Variants in DNPEP observed in about 807,000 individuals in gnomAD.
DNPEP encodes the protein aspartyl aminopeptidase.
Under a neutral mutation model 59.1 loss-of-function variants are expected in DNPEP, and 46 were observed. That is an observed-to-expected ratio of 0.78 (90% confidence interval 0.61 to 0.99). The LOEUF is 0.99. Ranked by LOEUF, DNPEP falls within the 50% of genes least tolerant of loss-of-function variation. The probability of loss-of-function intolerance (pLI) is 0.00; values close to 1 mark genes in which losing one functional copy is unlikely to be tolerated. For missense variants in DNPEP, 617 were observed against 649.9 expected (o/e 0.95, Z 0.55); for synonymous variants, 229 against 242.2 (o/e 0.95, Z 0.50).
intron 8 of DNPEP, 177 bp downstream of exon 8, chr2:219,385,247 A>C: frequency 1.7e-6 from 1 of 573,134 alleles, no homozygotes. Context: ...GGGGTAGGGA[A>C]CTTGTCTTTT....
At chr2:219,395,379 G>A (rs1241189935) in intron 1 of DNPEP, among the ~76,000 whole-genome samples, 3 of 152,130 alleles carry the variant, frequency 2.0e-5, no homozygotes, top group African/African-American at 7.2e-5. Context: ...CCTCTACCTG[G>A]CAACCTTCAT....
rs1469160488 is a variant in DNPEP at position 219,384,394 on chromosome 2, T to C, written c.824A>G (p.Asn275Ser). Reference sequence around the variant, plus strand: ...CAGGGCACAGAAGCAGCTGTGCAGATTGTCCAGCCGAGGAGCAAAGATGAA... The same window carrying C: ...CAGGGCACAGAAGCAGCTGTGCAGACTGTCCAGCCGAGGAGCAAAGATGAA... ...DEFIFAPRLD[N>S]LHSCFCALQA... is the part of the protein sequence containing the mutation. The change falls in exon 9 of 15, where the codon AAT becomes AGT. Residue 275 changes from asparagine to serine, a missense_variant. Transcript: ENST00000273075. 31 of 1,611,534 alleles carry C rather than the reference T, an allele frequency of 1.9e-5. No homozygotes were observed. Among genetic ancestry groups the C allele is most frequent in the Non-Finnish European group, 2.4e-5 (28 of 1,178,946 alleles).
intron 1 of DNPEP, among the ~76,000 whole-genome samples, chr2:219,394,709 C>T (rs1432263609): frequency 6.6e-6 from 1 of 152,302 alleles, no homozygotes; most frequent in East Asian, 1.9e-4. Flanking sequence ...ATTTATGTAT[C>T]CCTAGCCCAG....
At position 219,387,768 on chromosome 2, in the gene DNPEP, C is replaced by A. The variant is rs1203827545; in HGVS notation, c.27G>T (p.Gly9=). MSGHSPTR[G]AMQVAMNGKA... Reference sequence around the variant, plus strand: ...GTCGGGAGCCACTTACCTGCATGGCCCCGCGCGTGGGGCTGTGTCCGCTCA... The same window carrying A: ...GTCGGGAGCCACTTACCTGCATGGCACCGCGCGTGGGGCTGTGTCCGCTCA... Residue 9 remains glycine (G), a synonymous_variant, in exon 1 of 15, where the codon GGG becomes GGT. Transcript: ENST00000273075. 1.2e-6 allele frequency: 2 copies of A among 1,605,806 alleles called. No individual in the cohort carries two copies. Among genetic ancestry groups the A allele is most frequent in the Non-Finnish European group, 1.7e-6 (2 of 1,176,824 alleles).
chr2:219,399,807 C>G, intron 1 of DNPEP: 1 of 1,315,164 alleles, frequency 7.6e-7, no homozygotes, highest in Non-Finnish European at 1.0e-6. Flanking sequence ...TCATGGAAGG[C>G]TGGTGCCTAG....
At chr2:219,385,867 G>A in intron 6 of DNPEP, 101 bp downstream of exon 6, 1 of 1,523,726 alleles carries the variant, frequency 6.6e-7, no homozygotes, top group African/African-American at 1.4e-5. Context: ...AATTAACTGG[G>A]TCCCAAGAGT....
At chr2:219,376,560 C>T (rs1304361936) in intron 13 of DNPEP, among the ~76,000 whole-genome samples, 2 of 151,510 alleles carry the variant, frequency 1.3e-5, no homozygotes, top group African/African-American at 4.8e-5. Context: ...GACGACATTT[C>T]ACCTTGAAAA....
intron 13 of DNPEP, among the ~76,000 whole-genome samples, chr2:219,381,091 A>G (rs762561096): frequency 9.9e-5 from 15 of 152,182 alleles, no homozygotes; most frequent in Admixed American, 3.9e-4. Context: ...TATCACCCCT[A>G]TTCTACAGAT....
At chr2:219,383,072 C>T in intron 10 of DNPEP, 59 bp downstream of exon 10, 1 of 1,530,360 alleles carries the variant, frequency 6.5e-7, no homozygotes, top group East Asian at 2.3e-5. Context: ...ATGCCTGGCA[C>T]AACAAGTTGG....
chr2:219,389,832 C>CAATAAATAAATAAATA (rs6147178), upstream of DNPEP, among the ~76,000 whole-genome samples: 1,175 of 143,012 alleles, frequency 8.2e-3, 26 homozygotes, highest in East Asian at 0.088. Context: ...GATTCTGTCT[C>CAATAAATAAATAAATA]AATAAATAAA....
rs184017952 is a variant in DNPEP, at chr2:219,372,205, A to G, written c.*2087T>C. 3.9e-5 allele frequency among the ~76,000 whole-genome samples: 6 copies of G among 152,298 alleles called. No homozygotes were observed. The East Asian group carries it at 9.6e-4, about 24-fold the overall frequency. On this transcript the variant is annotated 3_prime_UTR_variant, in exon 15 of 15. Coordinates refer to ENST00000273075, the MANE Select transcript of DNPEP (RefSeq NM_012100.4). ...GTAAAATTTTTTACATAAGTAATACATGGTACATTCTGTTATACAAAAGGA... is the reference window on the plus strand; with the variant it reads ...GTAAAATTTTTTACATAAGTAATACGTGGTACATTCTGTTATACAAAAGGA...
intron 14 of DNPEP, 49 bp from the exon 15 acceptor site, chr2:219,374,391 G>A: frequency 6.5e-7 from 1 of 1,550,136 alleles, no homozygotes; most frequent in African/African-American, 1.4e-5. Context: ...TGACCAGATG[G>A]AGATGTCCTG....
intron 13 of DNPEP, among the ~76,000 whole-genome samples, chr2:219,380,448 C>T (rs925798430): frequency 2.0e-5 from 3 of 152,084 alleles, no homozygotes; most frequent in Non-Finnish European, 1.5e-5. Flanking sequence ...TTTTGAACTC[C>T]TGACCTCAAG....
rs1236429065 is a variant in DNPEP, at chr2:219,386,462, G to C, written c.334-51C>G. The C allele has an allele frequency of 4.3e-6, 7 of 1,610,782 alleles. No homozygotes were observed. The African/African-American group carries it at 5.3e-5, about 12-fold the overall frequency. On this transcript the variant is annotated intron_variant, in intron 4 of 14. Coordinates refer to ENST00000273075, the MANE Select transcript of DNPEP (RefSeq NM_012100.4). ...AGAAGGCTTCATGACGATATGTGGA[G>C]ATGAGACTTTGGCTACTCATAAGTA...
At chr2:219,385,565 T>C (rs1227185654) in intron 7 of DNPEP, 34 bp from the exon 8 acceptor site, 2 of 1,606,818 alleles carry the variant, frequency 1.2e-6, no homozygotes, top group South Asian at 1.1e-5. Context: ...AAGAGTCCAT[T>C]CCTCCTCTCC....
intron 10 of DNPEP, 119 bp from the exon 11 acceptor site, chr2:219,382,258 T>C (rs917549651): frequency 9.6e-6 from 11 of 1,146,832 alleles, no homozygotes; most frequent in African/African-American, 1.5e-5. Flanking sequence ...TGGGTGTTCT[T>C]AGCAACACCC....
intron 1 of DNPEP, among the ~76,000 whole-genome samples, chr2:219,396,749 C>CGTCGGG (rs1954103449): frequency 6.6e-6 from 1 of 152,156 alleles, no homozygotes; most frequent in African/African-American, 2.4e-5. Flanking sequence ...TCAAACCCTA[C>CGTCGGG]GCACACACAT....
intron 13 of DNPEP, among the ~76,000 whole-genome samples, chr2:219,377,952 C>A (rs6436147): frequency 0.85 from 126,350 of 149,368 alleles, 53,206 homozygotes; most frequent in Non-Finnish European, 0.88. Context: ...AAAAAAAAAA[C>A]CAAACTCAAA....
At position 219,374,864 on chromosome 2, in the gene DNPEP, G is replaced by A. The variant is rs1317602503; in HGVS notation, c.1398C>T (p.Thr466=). 3 of 1,613,682 alleles carry A rather than the reference G, an allele frequency of 1.9e-6. No individual in the cohort carries two copies. Among genetic ancestry groups the A allele is most frequent in the African/African-American group, 2.7e-5 (2 of 74,902 alleles). The change falls in exon 14 of 15, where the codon ACC becomes ACT. Residue 466 remains threonine, a synonymous_variant. Transcript: ENST00000273075. ...ACTTGVLQTL[T]LFKGFFELFP... is the part of the protein sequence containing the mutation. ...CTGGGGTGGGTGTTACCTTGAAGAG[G>A]GTGAGGGTCTGGAGGACTCCTGTGG...
Sources: gnomAD v4.1 joint callset for allele counts (sites outside exome capture counted in the v4.1 genomes callset) on GRCh38, gnomAD v4.1.1 for gene constraint, MANE v1.5 for transcripts, NCBI Gene and HGNC (gene_info 2026-07-23, HGNC 2026-07-21) for gene names.